Variants in CHST8 observed in about 807,000 individuals in gnomAD.
CHST8 encodes GALNAC-4-ST1.
In CHST8, 10 loss-of-function variants were observed where a neutral mutation model predicts 15.0. The observed-to-expected ratio is 0.67, with a 90% CI of 0.41 to 1.13. The LOEUF (loss-of-function observed/expected upper bound fraction) is 1.13. CHST8 is among the 50% of genes most tolerant of loss of function. The pLI, the probability that CHST8 is intolerant of heterozygous loss-of-function variation, is 0.00. For synonymous variants in CHST8, 259 were observed against 256.6 expected (o/e 1.01, Z -0.09); for missense variants, 634 against 608.2 (o/e 1.04, Z -0.45).
intron 3 of CHST8, among the ~76,000 whole-genome samples, chr19:33,734,812 A>G (rs868714782): frequency 2.6e-5 from 4 of 152,130 alleles, no homozygotes; most frequent in African/African-American, 9.7e-5. Context: ...CCTTCCTGAC[A>G]TGGGGACAGG....
chr19:33,698,780 G>A (rs534099755), intron 3 of CHST8, among the ~76,000 whole-genome samples: 1 of 152,070 alleles, frequency 6.6e-6, no homozygotes, highest in Non-Finnish European at 1.5e-5. Flanking sequence ...TCCACCGAGG[G>A]GTGTCCAGCC....
Position 33,622,255 on chromosome 19 carries a change from G to T in CHST8, c.-205G>T, listed in dbSNP as rs1380300778. 3 of 152,106 alleles carry T rather than the reference G, an allele frequency of 2.0e-5. No homozygotes were observed. Among genetic ancestry groups the T allele is most frequent in the East Asian group, 2.0e-4 (1 of 5,106 alleles). The allele number at this position is 152,106 out of a possible 1,614,324, so 9.4% of individuals were successfully genotyped here. ...GATCCGCCGCGGAGAACCGCTCCCG[G>T]ACTGGAGGCGCCCGCGGCCTCGGGT... On this transcript the variant is annotated 5_prime_UTR_variant, in exon 1 of 5. Coordinates refer to ENST00000650847, the MANE Select transcript of CHST8 (RefSeq NM_001127895.2).
At chr19:33,690,256 C>T (rs1244309935) in intron 3 of CHST8, among the ~76,000 whole-genome samples, 3 of 152,194 alleles carry the variant, frequency 2.0e-5, no homozygotes, top group Non-Finnish European at 4.4e-5. Flanking sequence ...CACCGCTCCT[C>T]TGCAGGGACA....
intron 3 of CHST8, among the ~76,000 whole-genome samples, chr19:33,726,194 G>T (rs78925746): frequency 6.6e-6 from 1 of 152,122 alleles, no homozygotes; most frequent in Admixed American, 6.5e-5. Flanking sequence ...GATGGGGCAG[G>T]GGACAGGGCC....
chr19:33,771,929 CAG>C, intron 4 of CHST8, 26 bp from the exon 5 acceptor site: 1 of 1,529,810 alleles, frequency 6.5e-7, no homozygotes, highest in Non-Finnish European at 8.8e-7. Context: ...CCTTTCCACT[CAG>C]ATAACCACTT....
intron 1 of CHST8, among the ~76,000 whole-genome samples, chr19:33,640,006 AT>A (rs539930748): frequency 7.9e-5 from 12 of 151,094 alleles, no homozygotes; most frequent in African/African-American, 2.7e-4. Context: ...TGCCTGGCTA[AT>A]TTTTTTTTGT....
In CHST8 at chr19:33,622,283, G is replaced by T. The variant is rs535831022; in HGVS notation, c.-177G>T. The stretch of plus-strand genomic sequence containing the variant: ...TGGAGGCGCCCGCGGCCTCGGGTGC[G>T]TCCGCTGCGCCAGGTAAGTGGCTGC... On this transcript the variant is annotated 5_prime_UTR_variant, in exon 1 of 5. Coordinates refer to ENST00000650847, the MANE Select transcript of CHST8 (RefSeq NM_001127895.2). The T allele has an allele frequency of 6.6e-6, 1 of 152,184 alleles. No individual in the cohort carries two copies. The highest frequency in any genetic ancestry group is 1.5e-5 in the Non-Finnish European group (1 of 68,082). 9.4% of individuals were successfully genotyped at this position (152,184 alleles called of 1,614,324 possible).
chr19:33,672,355 AC>A (rs1972748781), intron 2 of CHST8, among the ~76,000 whole-genome samples: 1 of 151,836 alleles, frequency 6.6e-6, no homozygotes, highest in Non-Finnish European at 1.5e-5. Flanking sequence ...ACACCACCAC[AC>A]CCAGCTGATT....
chr19:33,742,880 G>A (rs920107151), intron 3 of CHST8, among the ~76,000 whole-genome samples: 33 of 152,112 alleles, frequency 2.2e-4, no homozygotes, highest in African/African-American at 7.2e-4. Flanking sequence ...AAGTACCACC[G>A]TGTGGTTTCT....
At chr19:33,744,168 C>A (rs1974264189) in intron 3 of CHST8, among the ~76,000 whole-genome samples, 1 of 152,234 alleles carries the variant, frequency 6.6e-6, no homozygotes, top group Admixed American at 6.5e-5. Context: ...CCTGCCAATA[C>A]CTGATTTCTG....
At chr19:33,758,444 C>A (rs1308513490) in intron 3 of CHST8, among the ~76,000 whole-genome samples, 1 of 152,194 alleles carries the variant, frequency 6.6e-6, no homozygotes, top group Admixed American at 6.5e-5. Flanking sequence ...AGAGCCCCAC[C>A]CAGGCCAGAG....
At chr19:33,694,861 G>A (rs1049715571) in intron 3 of CHST8, among the ~76,000 whole-genome samples, 5 of 152,062 alleles carry the variant, frequency 3.3e-5, no homozygotes, top group South Asian at 2.1e-4. Context: ...GATTACAGGC[G>A]TAAGCCACCA....
In CHST8 at chr19:33,683,459, G is replaced by T. The variant is rs181039026; in HGVS notation, c.-86-5717G>T. Among the ~76,000 whole-genome samples, 611 of 152,270 alleles carry T rather than the reference G, an allele frequency of 4.0e-3. 14 individuals carry two copies. The highest frequency in any genetic ancestry group is 7.5e-4 in the Non-Finnish European group (51 of 68,038). On this transcript the variant is annotated intron_variant, in intron 2 of 4. Coordinates refer to ENST00000650847, the MANE Select transcript of CHST8 (RefSeq NM_001127895.2). ...GGCCTCGGGTATTTCAAGCTTTAAGGCTCCACTGGGCTCCCTGGGGGCCGT... is the reference window on the plus strand; with the variant it reads ...GGCCTCGGGTATTTCAAGCTTTAAGTCTCCACTGGGCTCCCTGGGGGCCGT...
chr19:33,687,054 G>A (rs1972993498), intron 2 of CHST8, among the ~76,000 whole-genome samples: 1 of 152,254 alleles, frequency 6.6e-6, no homozygotes, highest in Non-Finnish European at 1.5e-5. Flanking sequence ...TTCTATGACT[G>A]CCTGGGGCTC....
intron 3 of CHST8, among the ~76,000 whole-genome samples, chr19:33,716,590 A>G (rs1313549566): frequency 1.3e-5 from 2 of 151,822 alleles, no homozygotes; most frequent in Non-Finnish European, 2.9e-5. Flanking sequence ...CTGATCTCGA[A>G]CTCCTGGGCT....
At chr19:33,652,359 A>G in intron 1 of CHST8, among the ~76,000 whole-genome samples, 1 of 113,018 alleles carries the variant, frequency 8.8e-6, no homozygotes, top group Non-Finnish European at 1.9e-5. Context: ...TGGTTTATTT[A>G]TATTTTCTCT....
chr19:33,699,012 G>T (rs1289991323), intron 3 of CHST8, among the ~76,000 whole-genome samples: 1 of 152,186 alleles, frequency 6.6e-6, no homozygotes, highest in East Asian at 1.9e-4. Flanking sequence ...ACATTTCCAG[G>T]CCAGGAAACC....
At chr19:33,747,203 G>C (rs1437024382) in intron 3 of CHST8, among the ~76,000 whole-genome samples, 22 of 152,186 alleles carry the variant, frequency 1.4e-4, no homozygotes, top group Admixed American at 1.4e-3. Flanking sequence ...GCTATAACTT[G>C]TTGTAGAGAA....
intron 3 of CHST8, among the ~76,000 whole-genome samples, chr19:33,710,256 C>A (rs1172109154): frequency 6.6e-6 from 1 of 152,142 alleles, no homozygotes; most frequent in East Asian, 1.9e-4. Flanking sequence ...AAAGGTTTGT[C>A]AATTTTGTTG....
Sources: allele counts gnomAD v4.1 joint callset (sites outside exome capture counted in the v4.1 genomes callset), GRCh38; gene constraint gnomAD v4.1.1; transcripts MANE v1.5; gene names NCBI Gene and HGNC (gene_info 2026-07-23, HGNC 2026-07-21).